Variants in BICDL1 observed in about 807,000 individuals in gnomAD.
The protein encoded by BICDL1 is BICD family like cargo adaptor 1, also known as BICD family-like cargo adapter 1.
BICDL1 carries 20 observed loss-of-function variants against 76.8 expected under a neutral mutation model. The observed-to-expected ratio is 0.26, with a 90% CI of 0.18 to 0.38. The LOEUF (loss-of-function observed/expected upper bound fraction) is 0.38. Among genes scored for constraint, BICDL1 ranks in the 10% least tolerant of loss-of-function variants. BICDL1 has a pLI of 1.00. For synonymous variants in BICDL1, 383 were observed against 337.1 expected, an observed-to-expected ratio of 1.14 and a Z score of -1.49; for missense variants, 700 against 798.6, an observed-to-expected ratio of 0.88 and a Z score of 1.49.
At chr12:119,999,535 T>G (rs1057476409) in intron 2 of BICDL1, among the ~76,000 whole-genome samples, 1 of 152,240 alleles carries the variant, frequency 6.6e-6, no homozygotes, top group Admixed American at 6.5e-5. Flanking sequence ...GAAATGTGTA[T>G]CTGTATTGAA....
chr12:120,080,748 G>A, intron 7 of BICDL1, 139 bp from the exon 8 acceptor site: 1 of 775,466 alleles, frequency 1.3e-6, no homozygotes, highest in South Asian at 1.8e-5. Flanking sequence ...CTTGAAGCAG[G>A]ATGGCAGTGG....
chr12:120,089,841 T>C (rs576186084), intron 8 of BICDL1, 110 bp from the exon 9 acceptor site: 2 of 1,333,256 alleles, frequency 1.5e-6, no homozygotes, highest in Non-Finnish European at 1.0e-6. Context: ...TTGTTGTGAG[T>C]TCAGGGTCAG....
At chr12:120,075,769 T>C (rs978857572) in intron 7 of BICDL1, among the ~76,000 whole-genome samples, 1 of 152,260 alleles carries the variant, frequency 6.6e-6, no homozygotes, top group African/African-American at 2.4e-5. Context: ...CTTCCTGATA[T>C]TTTCTTGGAA....
At chr12:120,088,175 G>A (rs1331402768) in intron 8 of BICDL1, among the ~76,000 whole-genome samples, 2 of 150,738 alleles carry the variant, frequency 1.3e-5, no homozygotes, top group East Asian at 2.0e-4. Flanking sequence ...CAGGTGATCC[G>A]CCCACCTTGG....
At chr12:120,049,141 A>C (rs965160619) in intron 2 of BICDL1, among the ~76,000 whole-genome samples, 2 of 152,224 alleles carry the variant, frequency 1.3e-5, no homozygotes, top group African/African-American at 4.8e-5. Flanking sequence ...GTGCTCTGAG[A>C]ACGCAAAGGA....
chr12:120,023,882 G>A (rs1952234805), intron 2 of BICDL1, among the ~76,000 whole-genome samples: 1 of 152,092 alleles, frequency 6.6e-6, no homozygotes, highest in African/African-American at 2.4e-5. Flanking sequence ...TTGAAAGTGA[G>A]GCAGAGCTGA....
rs79941593 is a variant in BICDL1, at chr12:120,091,435, A to C, written c.1704+1364A>C. ...TTGAAAGACCCTTTAGCATTCCTAC[A>C]TTGGATTTAGCGTAGATTTTACTGA... On this transcript the variant is annotated intron_variant, in intron 9 of 9. Transcript: ENST00000548673. 277 of 1,004,310 alleles carry C rather than the reference A, an allele frequency of 2.8e-4. 4 individuals are homozygous for C. In the East Asian group the frequency reaches 0.025, roughly 89 times the overall value. 62.2% of individuals were successfully genotyped at this position (1,004,310 alleles called of 1,614,324 possible).
intron 8 of BICDL1, among the ~76,000 whole-genome samples, chr12:120,089,651 G>A (rs1443131376): frequency 6.6e-6 from 1 of 152,170 alleles, no homozygotes; most frequent in African/African-American, 2.4e-5. Context: ...CAAAGTGCTG[G>A]GATTACAGGC....
At chr12:120,081,869 C>CA (rs1052700325) in intron 8 of BICDL1, among the ~76,000 whole-genome samples, 1 of 149,560 alleles carries the variant, frequency 6.7e-6, no homozygotes, top group African/African-American at 2.5e-5. Context: ...TATGTTAAAT[C>CA]ACAAGACATA....
At chr12:120,007,799 C>T (rs967048912) in intron 2 of BICDL1, among the ~76,000 whole-genome samples, 2 of 152,204 alleles carry the variant, frequency 1.3e-5, no homozygotes, top group Non-Finnish European at 2.9e-5. Context: ...GACATTAATA[C>T]AGTGTCCATA....
At chr12:120,087,618 A>G (rs1481893740) in intron 8 of BICDL1, among the ~76,000 whole-genome samples, 2 of 152,196 alleles carry the variant, frequency 1.3e-5, no homozygotes, top group Non-Finnish European at 2.9e-5. Flanking sequence ...TGCTGTTTTG[A>G]GTGCTTAAGG....
intron 2 of BICDL1, 73 bp downstream of exon 2, chr12:119,998,809 C>G (rs962260603): frequency 7.0e-7 from 1 of 1,421,586 alleles, no homozygotes; most frequent in Non-Finnish European, 9.6e-7. Flanking sequence ...AGGCTTATGC[C>G]TGTGACGCCA....
chr12:120,090,161 G>T, intron 9 of BICDL1, 90 bp downstream of exon 9: 2 of 1,489,514 alleles, frequency 1.3e-6, no homozygotes, highest in Non-Finnish European at 9.1e-7. Context: ...TGCCACTGGA[G>T]GGTTCCATGT....
chr12:120,028,763 C>T (rs1952361092), intron 2 of BICDL1, among the ~76,000 whole-genome samples: 1 of 152,106 alleles, frequency 6.6e-6, no homozygotes, highest in Admixed American at 6.6e-5. Flanking sequence ...GTCCCAGCTA[C>T]TTGGAAGGCT....
intron 2 of BICDL1, among the ~76,000 whole-genome samples, chr12:120,005,716 C>T (rs1951838332): frequency 6.6e-6 from 1 of 152,154 alleles, no homozygotes; most frequent in African/African-American, 2.4e-5. Context: ...AATTCTTTCA[C>T]TTACTATATC....
intron 2 of BICDL1, among the ~76,000 whole-genome samples, chr12:120,003,362 G>C (rs112146206): frequency 9.2e-4 from 140 of 152,148 alleles, no homozygotes; most frequent in Non-Finnish European, 1.8e-3. Context: ...AGCAGAGTGG[G>C]CATTCAATAA....
intron 2 of BICDL1, among the ~76,000 whole-genome samples, chr12:120,025,258 G>A (rs547539278): frequency 2.0e-5 from 3 of 151,820 alleles, no homozygotes; most frequent in East Asian, 3.9e-4. Context: ...CACCGTGTTA[G>A]CCAGGATGGT....
intron 9 of BICDL1, chr12:120,091,523 CGT>C (rs145815692): frequency 0.074 from 72,707 of 985,156 alleles, 2,876 homozygotes; most frequent in African/African-American, 0.15. Flanking sequence ...AAGGAGGGAC[CGT>C]GTGTTGGCAA....
intron 6 of BICDL1, among the ~76,000 whole-genome samples, chr12:120,073,345 T>C (rs1011020097): frequency 6.6e-6 from 1 of 152,234 alleles, no homozygotes; most frequent in African/African-American, 2.4e-5. Context: ...CTTGGAAACT[T>C]TGCATATAGA....
Sources: gnomAD v4.1 joint callset for allele counts (sites outside exome capture counted in the v4.1 genomes callset) on GRCh38, gnomAD v4.1.1 for gene constraint, MANE v1.5 for transcripts, NCBI Gene and HGNC (gene_info 2026-07-23, HGNC 2026-07-21) for gene names.